The following KAT14 variants were observed in gnomAD, a reference collection of about 807,000 sequenced individuals.
KAT14 encodes lysine acetyltransferase 14, also known as cysteine-rich protein 2-binding protein.
Under a neutral mutation model 78.4 loss-of-function variants are expected in KAT14, and 66 were observed. That is an observed-to-expected ratio of 0.84 (90% CI 0.69 to 1.03). KAT14 has a LOEUF of 1.03. KAT14 is among the 50% of genes least tolerant of loss of function. KAT14 has a pLI of 0.00. For missense variants in KAT14, 870 were observed against 972.5 expected, an observed-to-expected ratio of 0.89 and a Z score of 1.40; for synonymous variants, 344 against 359.4, an observed-to-expected ratio of 0.96 and a Z score of 0.48.
rs774456400 is a variant in KAT14 at position 18,184,739 on chromosome 20, C to T, written c.2119C>T (p.Pro707Ser). The T allele has an allele frequency of 2.9e-5, 47 of 1,613,008 alleles. No homozygotes were observed. The highest frequency in any genetic ancestry group is 3.8e-5 in the Non-Finnish European group (45 of 1,179,774). ...EAYISFLFVH[P>S]EWRRAGIATF... ...TTACATTTCATTTCTGTTCGTCCAC[C>T]CTGAATGGAGAAGAGCAGGGATTGC... is the stretch of plus-strand genomic sequence containing the variant. Residue 707 changes from proline (P) to serine (S), a missense_variant, in exon 10 of 11, where the codon CCT (proline) becomes TCT (serine). Transcript: ENST00000688188.
At chr20:18,170,013 A>G (rs1036842885) in intron 7 of KAT14, among the ~76,000 whole-genome samples, 9 of 152,236 alleles carry the variant, frequency 5.9e-5, no homozygotes, top group Non-Finnish European at 1.3e-4. Context: ...TGAATTCTGT[A>G]AAGGCTTGGA....
chr20:18,185,744 A>G (rs2039429652), intron 10 of KAT14, among the ~76,000 whole-genome samples: 2 of 152,182 alleles, frequency 1.3e-5, no homozygotes. Context: ...ATGTTTATGC[A>G]GGCAAGATTC....
At chr20:18,140,597 G>A (rs905191692) in intron 1 of KAT14, among the ~76,000 whole-genome samples, 4 of 151,752 alleles carry the variant, frequency 2.6e-5, no homozygotes, top group Non-Finnish European at 4.4e-5. Context: ...ATCATTTGAG[G>A]TCAGGAGTTC....
chr20:18,140,958 G>A (rs1478361447), intron 1 of KAT14, among the ~76,000 whole-genome samples: 4 of 148,882 alleles, frequency 2.7e-5, no homozygotes, highest in Admixed American at 6.7e-5. Flanking sequence ...CCCAGGCTGA[G>A]GTGATCCTAT....
chr20:18,153,317 C>T (rs748519439), intron 4 of KAT14, among the ~76,000 whole-genome samples: 2 of 151,504 alleles, frequency 1.3e-5, no homozygotes, highest in Non-Finnish European at 2.9e-5. Flanking sequence ...AGTTCTTGAG[C>T]TATTTATTGG....
Position 18,184,693 on chromosome 20 carries a change from T to C in KAT14, c.2073T>C (p.Pro691=). 3.1e-6 allele frequency: 5 copies of C among 1,614,014 alleles called. No individual in the cohort carries two copies. Among genetic ancestry groups the C allele is most frequent in the Non-Finnish European group, 4.2e-6 (5 of 1,179,966 alleles). Residue 691 remains proline (P), a synonymous_variant, in exon 10 of 11, where the codon CCT becomes CCC. Transcript: ENST00000688188. The stretch of plus-strand genomic sequence containing the variant: ...TCATTGCCTTTGGCTTCATGGTTCC[T>C]GATGTGAAATACAATGAAGCTTACA... ...KVIIAFGFMV[P]DVKYNEAYIS...
intron 7 of KAT14, among the ~76,000 whole-genome samples, chr20:18,181,190 T>C (rs1342593852): frequency 6.6e-6 from 1 of 152,170 alleles, no homozygotes; most frequent in East Asian, 1.9e-4. Context: ...TTATTATTTT[T>C]ATTTTAAACA....
chr20:18,143,226 G>A (rs1009968143), intron 2 of KAT14: 2 of 1,037,154 alleles, frequency 1.9e-6, no homozygotes, highest in Non-Finnish European at 2.4e-6. Flanking sequence ...AGAGATTTAG[G>A]GCCAAATTCC....
At chr20:18,155,041 T>C (rs1292065040) in intron 4 of KAT14, among the ~76,000 whole-genome samples, 1 of 152,202 alleles carries the variant, frequency 6.6e-6, no homozygotes, top group African/African-American at 2.4e-5. Flanking sequence ...CACCCCACCA[T>C]GCACGACTAA....
Position 18,184,626 on chromosome 20 carries a change from A to C in KAT14, c.2006A>C (p.Gln669Pro), listed in dbSNP as rs200378746. 6.2e-7 allele frequency: 1 copy of C among 1,613,292 alleles called. No individual in the cohort carries two copies. Among genetic ancestry groups the C allele is most frequent in the East Asian group, 2.2e-5 (1 of 44,850 alleles). Residue 669 changes from glutamine to proline, a missense_variant, in exon 10 of 11, where the codon CAG (glutamine) becomes CCG (proline). Gln to Pro is a moderately conservative substitution (Grantham distance 76). Transcript: ENST00000688188. ...WPGIDLSECL[Q>P]YPDFSVVVLY... Reference sequence around the variant, plus strand: ...GGCATTGACCTGTCTGAGTGTCTGCAGTACCCAGACTTCAGTGTTGTTGTT... The same window carrying C: ...GGCATTGACCTGTCTGAGTGTCTGCCGTACCCAGACTTCAGTGTTGTTGTT...
In KAT14 at chr20:18,183,264, G is replaced by C. The variant is rs367887845; in HGVS notation, c.1947G>C (p.Thr649=). Residue 649 remains threonine, a synonymous_variant, in exon 9 of 11, where the codon ACG becomes ACC. Transcript: ENST00000688188. ...ATGTGCGGCCAAATCACATCCCAAC[G>C]ATCAACTCCATGTGTCAGGAGTTTT... The part of the protein sequence containing the change: ...YCYVRPNHIP[T]INSMCQEFFW... 27 of 1,613,850 alleles carry C rather than the reference G, an allele frequency of 1.7e-5. No individual in the cohort carries two copies. In the African/African-American group the frequency reaches 2.3e-4, roughly 14 times the overall value.
chr20:18,179,960 C>A (rs1209810009), intron 7 of KAT14, among the ~76,000 whole-genome samples: 1 of 152,084 alleles, frequency 6.6e-6, no homozygotes, highest in South Asian at 2.1e-4. Context: ...CCTCTACCTC[C>A]CAGGTTCAAG....
In KAT14 at chr20:18,161,806, T is replaced by C; in HGVS notation, c.683-17T>C. ...CAGATGAGGGATACTCAGCCTGTAT[T>C]TATTCTTTCTTAGCAGCCTCAAAAC... On this transcript the variant is annotated splice_polypyrimidine_tract_variant and intron_variant, in intron 5 of 10. Coordinates refer to ENST00000688188, the MANE Select transcript of KAT14 (RefSeq NM_001392073.1). 1.9e-6 allele frequency: 3 copies of C among 1,607,092 alleles called. No homozygotes were observed. Among genetic ancestry groups the C allele is most frequent in the Non-Finnish European group, 1.7e-6 (2 of 1,177,420 alleles).
At chr20:18,146,966 A>C (rs781261248) in intron 3 of KAT14, among the ~76,000 whole-genome samples, 8 of 152,216 alleles carry the variant, frequency 5.3e-5, no homozygotes, top group Non-Finnish European at 1.0e-4. Flanking sequence ...GGTGAACGAG[A>C]CAGCTAAGGC....
At chr20:18,170,683 C>A (rs559675508) in intron 7 of KAT14, among the ~76,000 whole-genome samples, 19 of 152,266 alleles carry the variant, frequency 1.2e-4, no homozygotes, top group African/African-American at 4.3e-4. Context: ...TACAGGCGTC[C>A]GCCACCATGC....
At chr20:18,166,487 G>C (rs1378147222) in intron 7 of KAT14, among the ~76,000 whole-genome samples, 1 of 152,218 alleles carries the variant, frequency 6.6e-6, no homozygotes, top group Non-Finnish European at 1.5e-5. Flanking sequence ...AGAGTTATTA[G>C]CACAAGGCAA....
chr20:18,178,768 A>G (rs2039141294), intron 7 of KAT14, among the ~76,000 whole-genome samples: 1 of 152,106 alleles, frequency 6.6e-6, no homozygotes, highest in African/African-American at 2.4e-5. Flanking sequence ...TGGCCTCTCC[A>G]AATCTCATGC....
At chr20:18,159,053 C>A (rs769387049) in intron 4 of KAT14, 31 bp from the exon 5 acceptor site, 6 of 1,578,908 alleles carry the variant, frequency 3.8e-6, no homozygotes, top group Middle Eastern at 2.0e-4. Flanking sequence ...AGCAAAAGTG[C>A]CAATCATTTT....
chr20:18,178,725 G>A (rs935427414), intron 7 of KAT14, among the ~76,000 whole-genome samples: 1 of 150,674 alleles, frequency 6.6e-6, no homozygotes, highest in Non-Finnish European at 1.5e-5. Flanking sequence ...GATTTGAGTG[G>A]AGACACAGAG....
Sources: gnomAD v4.1 joint callset for allele counts (sites outside exome capture counted in the v4.1 genomes callset) on GRCh38, gnomAD v4.1.1 for gene constraint, MANE v1.5 for transcripts, NCBI Gene and HGNC (gene_info 2026-07-23, HGNC 2026-07-21) for gene names.